The following SEPTIN9 variants were observed in gnomAD, a reference collection of about 807,000 sequenced individuals.
The protein encoded by SEPTIN9 is septin-9.
A neutral mutation model predicts 56.6 loss-of-function variants in SEPTIN9; 13 were observed. The observed-to-expected ratio is 0.23, with a 90% confidence interval of 0.15 to 0.37. The LOEUF (loss-of-function observed/expected upper bound fraction) is 0.37, where lower values mean the gene tolerates loss of function less well. SEPTIN9 is among the 10% of genes least tolerant of loss of function. SEPTIN9 has a pLI of 1.00. For synonymous variants in SEPTIN9, 332 were observed against 334.1 expected (o/e 0.99, Z 0.07); for missense variants, 650 against 823.1 (o/e 0.79, Z 2.57).
chr17:77,315,021 A>G (rs964044634), intron 2 of SEPTIN9, among the ~76,000 whole-genome samples: 1 of 152,214 alleles, frequency 6.6e-6, no homozygotes, highest in Non-Finnish European at 1.5e-5. Flanking sequence ...AAGGCAGGTG[A>G]TCCGCACCTT....
intron 2 of SEPTIN9, among the ~76,000 whole-genome samples, chr17:77,340,360 C>T (rs935627510): frequency 7.9e-5 from 12 of 151,934 alleles, no homozygotes; most frequent in African/African-American, 2.7e-4. Context: ...AGGCTGGTCT[C>T]GAACTCCTGA....
At chr17:77,283,283 A>G (rs2031122769) in intron 1 of SEPTIN9, among the ~76,000 whole-genome samples, 1 of 151,830 alleles carries the variant, frequency 6.6e-6, no homozygotes, top group African/African-American at 2.4e-5. Context: ...TGTTTACCTA[A>G]AGGGGCAGGC....
At position 77,490,823 on chromosome 17, in the gene SEPTIN9, A is replaced by G. The variant is rs1219720498; in HGVS notation, c.1344A>G (p.Thr448=). 2 of 1,592,916 alleles carry G rather than the reference A, an allele frequency of 1.3e-6. No homozygotes were observed. The highest frequency in any genetic ancestry group is 4.6e-5 in the East Asian group (2 of 43,870). ...NIVPVIAKAD[T]LTLEERVHFK... is the part of the protein sequence containing the mutation. ...TCCCTGTCATCGCCAAGGCGGACAC[A>G]CTCACCCTGGAGGAGAGGGTCCACT... is the stretch of plus-strand genomic sequence containing the variant. Residue 448 remains threonine, a synonymous_variant, in exon 8 of 12, where the codon ACA becomes ACG. Coordinates refer to ENST00000427177, the MANE Select transcript of SEPTIN9 (RefSeq NM_001113491.2).
chr17:77,397,339 T>G (rs2035752184), intron 2 of SEPTIN9, among the ~76,000 whole-genome samples: 1 of 152,162 alleles, frequency 6.6e-6, no homozygotes, highest in Non-Finnish European at 1.5e-5. Context: ...CGTGTCTCTT[T>G]GTGTCCCAAG....
At chr17:77,376,153 C>A in intron 2 of SEPTIN9, 1 of 986,910 alleles carries the variant, frequency 1.0e-6, no homozygotes. Flanking sequence ...AGCCTTCTGG[C>A]CAGCAGCAGC....
At chr17:77,388,850 T>G (rs562016566) in intron 2 of SEPTIN9, among the ~76,000 whole-genome samples, 36 of 140,168 alleles carry the variant, frequency 2.6e-4, no homozygotes, top group Non-Finnish European at 4.1e-4. Context: ...TTTTAAGTGC[T>G]TGTAACATTT....
rs1207223792 is a variant in SEPTIN9, at chr17:77,498,714, A to G, written c.*56A>G. 2.9e-5 allele frequency: 10 copies of G among 349,496 alleles called. No individual in the cohort carries two copies. In the African/African-American group the frequency reaches 5.9e-4, roughly 21 times the overall value. 21.6% of individuals were successfully genotyped at this position (349,496 alleles called of 1,614,324 possible). A position where few individuals can be genotyped will look rare whatever the true frequency, so the allele number is the denominator to read the frequency against. On this transcript the variant is annotated 3_prime_UTR_variant, in exon 12 of 12. Coordinates refer to ENST00000427177, the MANE Select transcript of SEPTIN9 (RefSeq NM_001113491.2). Reference sequence around the variant, plus strand: ...CCCCAAGTCATTTCCGTCCCCCCCCAGGCCCTCCCACCACCCCATTTTATT... The same window carrying G: ...CCCCAAGTCATTTCCGTCCCCCCCCGGGCCCTCCCACCACCCCATTTTATT...
intron 2 of SEPTIN9, among the ~76,000 whole-genome samples, chr17:77,396,383 C>T (rs140498006): frequency 3.3e-5 from 5 of 152,318 alleles, no homozygotes; most frequent in South Asian, 2.1e-4. Flanking sequence ...TGTGCAGTCA[C>T]GTACGGGGTT....
At chr17:77,306,881 AG>A (rs1489785520) in intron 1 of SEPTIN9, among the ~76,000 whole-genome samples, 1 of 152,168 alleles carries the variant, frequency 6.6e-6, no homozygotes, top group Non-Finnish European at 1.5e-5. Context: ...TCTGCAAAAC[AG>A]GGGTAGTAGG....
intron 2 of SEPTIN9, among the ~76,000 whole-genome samples, chr17:77,338,267 T>C (rs1035876634): frequency 2.0e-5 from 3 of 152,130 alleles, no homozygotes; most frequent in Non-Finnish European, 2.9e-5. Flanking sequence ...CATTATGTCT[T>C]TTTGCTAAAA....
intron 3 of SEPTIN9, among the ~76,000 whole-genome samples, chr17:77,412,085 G>A (rs868863943): frequency 6.8e-6 from 1 of 147,990 alleles, no homozygotes; most frequent in African/African-American, 2.5e-5. Context: ...AGCCAAGATC[G>A]TGCCATTGCA....
chr17:77,361,967 A>T (rs1343859182), intron 2 of SEPTIN9, among the ~76,000 whole-genome samples: 2 of 152,100 alleles, frequency 1.3e-5, no homozygotes, highest in African/African-American at 4.8e-5. Context: ...GGTCTTGCAC[A>T]CCTTGCTGGC....
intron 4 of SEPTIN9, among the ~76,000 whole-genome samples, chr17:77,486,869 C>A (rs933410204): frequency 2.6e-5 from 4 of 152,192 alleles, no homozygotes; most frequent in Non-Finnish European, 5.9e-5. Context: ...GATGCTCACA[C>A]CAGCTCCACG....
At chr17:77,404,336 CT>C (rs1359490925) in intron 3 of SEPTIN9, among the ~76,000 whole-genome samples, 2 of 152,178 alleles carry the variant, frequency 1.3e-5, no homozygotes, top group Non-Finnish European at 2.9e-5. Flanking sequence ...CCTCTGCCCC[CT>C]GGGCTCAAGT....
rs917053121 is a variant in SEPTIN9, at chr17:77,436,484, G to A, written c.721+33781G>A. On this transcript the variant is annotated intron_variant, in intron 3 of 11. Transcript: ENST00000427177. The surrounding 1 kb of genome is among the most constrained non-coding windows in gnomAD (Gnocchi z 4.4). The stretch of plus-strand genomic sequence containing the variant: ...CCGCAGATGGGACGGGGGCGGGGCT[G>A]GAGCCAGCGGGGTGGGGGTATCCAG... 2.6e-5 allele frequency among the ~76,000 whole-genome samples: 4 copies of A among 152,196 alleles called. No individual in the cohort carries two copies. The highest frequency in any genetic ancestry group is 5.9e-5 in the Non-Finnish European group (4 of 68,030).
At chr17:77,490,937 C>A in intron 8 of SEPTIN9, 78 bp downstream of exon 8, 1 of 1,120,116 alleles carries the variant, frequency 8.9e-7, no homozygotes, top group Non-Finnish European at 1.3e-6. Flanking sequence ...GCCACCCCGT[C>A]TAAAGGAGTC....
rs559162280 is a variant in SEPTIN9, at chr17:77,425,514, C to T, written c.721+22811C>T. On this transcript the variant is annotated intron_variant, in intron 3 of 11. Transcript: ENST00000427177. The surrounding 1 kb of genome is among the most constrained non-coding windows in gnomAD (Gnocchi z 4.2). ...GGGGACGCTGCCTGGGGGGGGTTCCCTTACATGGAAGGAGCTGCAGCTGAG... is the reference window on the plus strand; with the variant it reads ...GGGGACGCTGCCTGGGGGGGGTTCCTTTACATGGAAGGAGCTGCAGCTGAG... Among the ~76,000 whole-genome samples the T allele has an allele frequency of 1.3e-5, 2 of 152,270 alleles. No homozygotes were observed. The highest frequency in any genetic ancestry group is 3.9e-4 in the East Asian group (2 of 5,192).
chr17:77,292,297 G>T (rs775518652), intron 1 of SEPTIN9, among the ~76,000 whole-genome samples: 1 of 152,062 alleles, frequency 6.6e-6, no homozygotes, highest in Non-Finnish European at 1.5e-5. Flanking sequence ...TCTACCTGTT[G>T]GTCTCCATCT....
In SEPTIN9 at chr17:77,478,483, A is replaced by G. The variant is rs1407472824; in HGVS notation, c.722-3661A>G. Reference sequence around the variant, plus strand: ...GTAGCCAGCGGGTAGAAACAACCCGAATGCCCGCGGTCAAATGAATGGAGA... The same window carrying G: ...GTAGCCAGCGGGTAGAAACAACCCGGATGCCCGCGGTCAAATGAATGGAGA... On this transcript the variant is annotated intron_variant, in intron 3 of 11. Coordinates refer to ENST00000427177, the MANE Select transcript of SEPTIN9 (RefSeq NM_001113491.2). Among the ~76,000 whole-genome samples, 6 of 152,192 alleles carry G rather than the reference A, an allele frequency of 3.9e-5. No homozygotes were observed. The East Asian group carries it at 1.2e-3, about 29-fold the overall frequency.
Sources: allele counts gnomAD v4.1 joint callset (sites outside exome capture counted in the v4.1 genomes callset), GRCh38; gene constraint gnomAD v4.1.1; non-coding constraint Gnocchi (gnomAD v3.1); transcripts MANE v1.5; gene names NCBI Gene and HGNC (gene_info 2026-07-23, HGNC 2026-07-21).